Variants in ERC2 observed in about 807,000 individuals in gnomAD.
ERC2 encodes ERC protein 2.
A neutral mutation model predicts 114.8 loss-of-function variants in ERC2; 42 were observed. The ratio of observed to expected loss-of-function variants is 0.37; its 90% CI spans 0.29 to 0.47. The LOEUF (loss-of-function observed/expected upper bound fraction) is 0.47, where lower values mean the gene tolerates loss of function less well. Among genes scored for constraint, ERC2 ranks in the 20% least tolerant of loss-of-function variants. The pLI is 0.99. For synonymous variants in ERC2, 454 were observed against 425.5 expected (o/e 1.07, Z -0.82); for missense variants, 939 against 1,150.7 (o/e 0.82, Z 2.66).
In ERC2 at chr3:55,648,140, T is replaced by A. The variant is rs139495796; in HGVS notation, c.*39+35654A>T. Among the ~76,000 whole-genome samples, 345 of 152,370 alleles carry A rather than the reference T, an allele frequency of 2.3e-3. 1 individual carries two copies. Among genetic ancestry groups the A allele is most frequent in the Non-Finnish European group, 3.6e-3 (246 of 68,042 alleles). On this transcript the variant is annotated intron_variant, in intron 17 of 17. Coordinates refer to ENST00000288221, the MANE Select transcript of ERC2 (RefSeq NM_015576.3). The stretch of plus-strand genomic sequence containing the variant: ...CCCTTTCGTTCATTCCCTCACTCGT[T>A]CCTTCATTCATTCACTCCTTTTATC...
chr3:56,082,990 C>G (rs955323341), intron 6 of ERC2, among the ~76,000 whole-genome samples: 1 of 152,206 alleles, frequency 6.6e-6, no homozygotes, highest in South Asian at 2.1e-4. Context: ...CACCCCACAC[C>G]TCTTCGTCTG....
intron 3 of ERC2, among the ~76,000 whole-genome samples, chr3:56,257,261 T>C (rs1377186475): frequency 6.6e-6 from 1 of 152,238 alleles, no homozygotes; most frequent in African/African-American, 2.4e-5. Flanking sequence ...CTCTCTGATT[T>C]AAAATACTGA....
At chr3:56,272,721 G>A in intron 3 of ERC2, among the ~76,000 whole-genome samples, 1 of 152,178 alleles carries the variant, frequency 6.6e-6, no homozygotes, top group East Asian at 1.9e-4. Flanking sequence ...AGTGAGCAGA[G>A]ACCATGCCAT....
chr3:55,714,702 TATATATATATATG>T, intron 15 of ERC2, among the ~76,000 whole-genome samples: 1 of 77,404 alleles, frequency 1.3e-5, no homozygotes, highest in Non-Finnish European at 2.6e-5. Context: ...TATATATATA[TATATATATATATG>T]AAAAGTACAG....
intron 1 of ERC2, among the ~76,000 whole-genome samples, chr3:56,437,687 C>T (rs919951601): frequency 3.9e-5 from 6 of 152,112 alleles, no homozygotes; most frequent in African/African-American, 1.2e-4. Context: ...ACACAAAAAC[C>T]ATTTTGTATC....
At chr3:56,220,002 A>G (rs957997034) in intron 3 of ERC2, among the ~76,000 whole-genome samples, 1 of 152,224 alleles carries the variant, frequency 6.6e-6, no homozygotes, top group African/African-American at 2.4e-5. Context: ...AGCATAATAA[A>G]TTGGTTGTCT....
chr3:55,709,820 A>G (rs2063681284), intron 15 of ERC2, among the ~76,000 whole-genome samples: 1 of 152,140 alleles, frequency 6.6e-6, no homozygotes, highest in Non-Finnish European at 1.5e-5. Context: ...TGACTCCAGG[A>G]GGTGTGGAGA....
At chr3:55,906,418 C>G (rs201644313) in intron 13 of ERC2, among the ~76,000 whole-genome samples, 1 of 120,106 alleles carries the variant, frequency 8.3e-6, no homozygotes, top group Non-Finnish European at 1.6e-5. Context: ...GGTGACAGAG[C>G]GAGACTCTGT....
In ERC2 at chr3:56,435,119, C is replaced by G. The variant is rs115552369; in HGVS notation, c.-112G>C. ...TTTTCACCGCATTCTTTTCACAGTC[C>G]GTACCAGAAAATAACTCCACTCAGA... On this transcript the variant is annotated 5_prime_UTR_variant, in exon 2 of 18. Coordinates refer to ENST00000288221, the MANE Select transcript of ERC2 (RefSeq NM_015576.3). 202 of 766,450 alleles carry G rather than the reference C, an allele frequency of 2.6e-4. 2 individuals are homozygous for G. The highest frequency in any genetic ancestry group is 3.5e-4 in the Non-Finnish European group (170 of 491,600). The allele number at this position is 766,450 out of a possible 1,614,324, so 47.5% of individuals were successfully genotyped here.
intron 17 of ERC2, among the ~76,000 whole-genome samples, chr3:55,556,106 AT>A (rs1198697892): frequency 6.6e-6 from 1 of 152,166 alleles, no homozygotes. Flanking sequence ...AAACATTTCA[AT>A]TTGGCTGAGA....
intron 17 of ERC2, among the ~76,000 whole-genome samples, chr3:55,517,689 C>A (rs1010311563): frequency 2.6e-5 from 4 of 152,178 alleles, no homozygotes; most frequent in African/African-American, 9.6e-5. Flanking sequence ...GGCCTTCTCC[C>A]CACTGGCAGA....
At chr3:56,251,226 C>G (rs2052131415) in intron 3 of ERC2, among the ~76,000 whole-genome samples, 1 of 152,112 alleles carries the variant, frequency 6.6e-6, no homozygotes, top group South Asian at 2.1e-4. Context: ...ACAGAACAAC[C>G]CAAATGTCCA....
chr3:56,051,419 A>T lies in ERC2; in HGVS notation c.1641+29398T>A, dbSNP rs965119634. ...CTTCACACATATTTTTTAGAAAAAA[A>T]GGGGGTGGGAGTGCAGAGAGAGAGG... On this transcript the variant is annotated intron_variant, in intron 7 of 17. Coordinates refer to ENST00000288221, the MANE Select transcript of ERC2 (RefSeq NM_015576.3). Among the ~76,000 whole-genome samples the T allele has an allele frequency of 2.6e-5, 4 of 152,290 alleles. No individual in the cohort carries two copies. In the East Asian group the frequency reaches 7.7e-4, roughly 29 times the overall value.
chr3:56,242,293 T>C (rs1367543845), intron 3 of ERC2, among the ~76,000 whole-genome samples: 1 of 152,020 alleles, frequency 6.6e-6, no homozygotes, highest in Non-Finnish European at 1.5e-5. Flanking sequence ...AAGAATGATA[T>C]AATGGACTTT....
At chr3:55,937,469 T>C (rs532479704) in intron 13 of ERC2, among the ~76,000 whole-genome samples, 1 of 152,188 alleles carries the variant, frequency 6.6e-6, no homozygotes, top group African/African-American at 2.4e-5. Flanking sequence ...TGTGGCTTTG[T>C]TCAAGACTCC....
chr3:56,130,922 G>A lies in ERC2; in HGVS notation c.1473+8587C>T, dbSNP rs377058748. On this transcript the variant is annotated intron_variant, in intron 6 of 17. Transcript: ENST00000288221. ...TCTAAGGCTCACAAAGCCTGACCTT[G>A]CCTCATTTGTATGTGACCCCAAAGT... Among the ~76,000 whole-genome samples the A allele has an allele frequency of 1.1e-4, 16 of 152,202 alleles. 1 individual carries two copies. The South Asian group carries it at 3.3e-3, about 32-fold the overall frequency.
intron 17 of ERC2, among the ~76,000 whole-genome samples, chr3:55,569,886 CAG>C (rs2056605813): frequency 8.0e-6 from 1 of 124,924 alleles, no homozygotes; most frequent in South Asian, 2.6e-4. Flanking sequence ...TTTTTTGAGA[CAG>C]AGTTTATTAC....
At chr3:55,649,034 C>A (rs2060505511) in intron 17 of ERC2, among the ~76,000 whole-genome samples, 1 of 152,084 alleles carries the variant, frequency 6.6e-6, no homozygotes, top group Non-Finnish European at 1.5e-5. Context: ...GAACCTGGGG[C>A]TTATCCCACA....
intron 6 of ERC2, among the ~76,000 whole-genome samples, chr3:56,081,398 G>C (rs1466465729): frequency 1.3e-5 from 2 of 152,090 alleles, no homozygotes; most frequent in Non-Finnish European, 2.9e-5. Context: ...AATGAGCCAT[G>C]CCATGGACAT....
Sources: gnomAD v4.1 joint callset for allele counts (sites outside exome capture counted in the v4.1 genomes callset) on GRCh38, gnomAD v4.1.1 for gene constraint, MANE v1.5 for transcripts, NCBI Gene and HGNC (gene_info 2026-07-23, HGNC 2026-07-21) for gene names.